The following CUX1 variants were observed in gnomAD, a reference collection of about 807,000 sequenced individuals.
CUX1 encodes the protein cut like homeobox 1, also known as protein CASP.
A neutral mutation model predicts 158.8 loss-of-function variants in CUX1; 31 were observed. The ratio of observed to expected loss-of-function variants is 0.20; its 90% CI spans 0.15 to 0.26. The LOEUF (loss-of-function observed/expected upper bound fraction) is 0.26, where lower values mean the gene tolerates loss of function less well. CUX1 is among the 10% of genes least tolerant of loss of function. The pLI is 1.00. For missense variants in CUX1, 1,589 were observed against 2,014.6 expected, an observed-to-expected ratio of 0.79 and a Z score of 4.04; for synonymous variants, 879 against 862.1, an observed-to-expected ratio of 1.02 and a Z score of -0.34.
intron 5 of CUX1, among the ~76,000 whole-genome samples, chr7:102,099,448 T>TA (rs1487575726): frequency 4.6e-5 from 7 of 150,788 alleles, no homozygotes; most frequent in Non-Finnish European, 1.0e-4. Context: ...TTTTCATAGA[T>TA]ACGCTACCCT....
At chr7:102,261,221 T>C (rs1440916668), downstream of CUX1, among the ~76,000 whole-genome samples, 1 of 152,178 alleles carries the variant, frequency 6.6e-6, no homozygotes, top group Non-Finnish European at 1.5e-5. Flanking sequence ...TGGTCGAGCA[T>C]GGTGGGTCAC....
chr7:102,176,562 T>A (rs1792369308), intron 10 of CUX1, among the ~76,000 whole-genome samples: 1 of 79,420 alleles, frequency 1.3e-5, no homozygotes, highest in South Asian at 4.8e-4. Context: ...GGATTCCTTT[T>A]TTTTTTTTTT....
At chr7:101,844,178 C>T (rs1191596643) in intron 1 of CUX1, among the ~76,000 whole-genome samples, 2 of 147,178 alleles carry the variant, frequency 1.4e-5, no homozygotes, top group Non-Finnish European at 3.0e-5. Flanking sequence ...CACCGTCCCC[C>T]TCCCCGCCCC....
At chr7:101,876,439 G>A (rs1201098391) in intron 1 of CUX1, among the ~76,000 whole-genome samples, 1 of 151,970 alleles carries the variant, frequency 6.6e-6, no homozygotes, top group Non-Finnish European at 1.5e-5. Flanking sequence ...GCTCATGCCT[G>A]TAATCCCAGC....
chr7:102,131,492 TA>T (rs782286192), intron 8 of CUX1, among the ~76,000 whole-genome samples: 13,706 of 132,848 alleles, frequency 0.1, 834 homozygotes, highest in African/African-American at 0.18. Flanking sequence ...AATTTCTGTT[TA>T]AAAAAAAAAA....
At chr7:102,232,980 C>T (rs1403906584) in intron 21 of CUX1, among the ~76,000 whole-genome samples, 5 of 152,140 alleles carry the variant, frequency 3.3e-5, no homozygotes, top group African/African-American at 9.7e-5. Flanking sequence ...GTTGCCTGCC[C>T]CGTTTTCTCA....
chr7:101,958,844 CTTTTTTTTTTT>C (rs10667965), intron 2 of CUX1, among the ~76,000 whole-genome samples: 1 of 65,816 alleles, frequency 1.5e-5, no homozygotes, highest in Non-Finnish European at 2.7e-5. Context: ...AGATGATGCC[CTTTTTTTTTTT>C]TTTTTTTTTT....
chr7:102,023,863 C>G (rs1247802779), intron 2 of CUX1, among the ~76,000 whole-genome samples: 1 of 152,000 alleles, frequency 6.6e-6, no homozygotes, highest in Non-Finnish European at 1.5e-5. Flanking sequence ...AGTGTGTGTA[C>G]AAACACACGT....
At chr7:102,274,054 C>T in intron 15 of CUX1, 1 of 585,856 alleles carries the variant, frequency 1.7e-6, no homozygotes, top group Non-Finnish European at 3.1e-6. Context: ...ACTCAGGGCC[C>T]AGCCATCTCT....
chr7:102,073,443 G>A (rs1205203493), intron 4 of CUX1, among the ~76,000 whole-genome samples: 3 of 151,946 alleles, frequency 2.0e-5, no homozygotes, highest in Non-Finnish European at 4.4e-5. Context: ...AAAGCGCTAG[G>A]ATTACAGGCG....
intron 8 of CUX1, among the ~76,000 whole-genome samples, chr7:102,156,994 G>C (rs1446198774): frequency 2.0e-5 from 3 of 152,202 alleles, no homozygotes; most frequent in Non-Finnish European, 4.4e-5. Flanking sequence ...GGGTGGATGG[G>C]GTGGAAGTAG....
Position 101,916,112 on chromosome 7 carries a change from C to T in CUX1, c.31-3C>T. 2 of 1,605,878 alleles carry T rather than the reference C, an allele frequency of 1.2e-6. No homozygotes were observed. Among genetic ancestry groups the T allele is most frequent in the South Asian group, 1.1e-5 (1 of 90,922 alleles). On this transcript the variant is annotated splice_region_variant and splice_polypyrimidine_tract_variant and intron_variant, in intron 1 of 23. Coordinates refer to ENST00000292535, the MANE Select transcript of CUX1 (RefSeq NM_181552.4). The surrounding 1 kb of genome is among the most constrained non-coding windows in gnomAD (Gnocchi z 4.4). ...CACTTTTCCTTTCCTGTTTCCCCAA[C>T]AGAGAGAACTCGATGCCACCGCAAC...
chr7:102,251,806 A>T lies in CUX1; in HGVS notation c.*2764A>T, dbSNP rs952510019. 2 of 985,312 alleles carry T rather than the reference A, an allele frequency of 2.0e-6. No homozygotes were observed. Among genetic ancestry groups the T allele is most frequent in the Admixed American group, 1.2e-4 (2 of 16,262 alleles). The allele number at this position is 985,312 out of a possible 1,614,324, so 61.0% of individuals were successfully genotyped here. On this transcript the variant is annotated 3_prime_UTR_variant, in exon 24 of 24. Transcript: ENST00000292535. ...AAGAATGAAAAGAAGTTAACAGGAA[A>T]TAGTAGGCTAGGGTTTAGTTTTAAA...
chr7:102,205,135 T>C lies in CUX1; in HGVS notation c.3095T>C (p.Leu1032Pro). The part of the protein sequence containing the change: ...QGPVLHSVTS[L>P]QDPLQQGCVS... Reference sequence around the variant, plus strand: ...TTAGTCCTCCACTCCGTGACATCGCTCCAGGACCCGCTGCAGCAGGGCTGT... The same window carrying C: ...TTAGTCCTCCACTCCGTGACATCGCCCCAGGACCCGCTGCAGCAGGGCTGT... Residue 1032 changes from leucine (L) to proline (P), a missense_variant, in exon 20 of 24, where the codon CTC becomes CCC. Leu to Pro is a moderately conservative substitution (Grantham distance 98, BLOSUM62 -3). Around this residue, in one of 8 missense-constraint regions of CUX1, gnomAD observed 259 missense variants for 373.8 expected, o/e 0.69. Transcript: ENST00000292535. 6.2e-7 allele frequency: 1 copy of C among 1,612,050 alleles called. No individual in the cohort carries two copies. Among genetic ancestry groups the C allele is most frequent in the Non-Finnish European group, 8.5e-7 (1 of 1,178,914 alleles).
intron 1 of CUX1, among the ~76,000 whole-genome samples, chr7:101,893,248 C>A (rs577696531): frequency 3.6e-5 from 5 of 139,550 alleles, no homozygotes; most frequent in Non-Finnish European, 7.7e-5. Flanking sequence ...GCTTAAGCAA[C>A]CCTCCTACCT....
intron 4 of CUX1, among the ~76,000 whole-genome samples, chr7:102,097,124 A>C (rs1349407098): frequency 6.6e-6 from 1 of 152,256 alleles, no homozygotes; most frequent in African/African-American, 2.4e-5. Context: ...ATACCAGTGA[A>C]TCTCATGGCT....
rs182978125 is a variant in CUX1, at chr7:102,101,606, C to T, written c.407-2730C>T. Among the ~76,000 whole-genome samples, 182 of 152,246 alleles carry T rather than the reference C, an allele frequency of 1.2e-3. 1 individual carries two copies. The highest frequency in any genetic ancestry group is 4.2e-3 in the African/African-American group (174 of 41,548). On this transcript the variant is annotated intron_variant, in intron 5 of 23. Coordinates refer to ENST00000292535, the MANE Select transcript of CUX1 (RefSeq NM_181552.4). Reference sequence around the variant, plus strand: ...CAAGTGCTGTACAGCCACTTCCAGCCGGTCCTTAAAGGCAAAAATGAGGCC... The same window carrying T: ...CAAGTGCTGTACAGCCACTTCCAGCTGGTCCTTAAAGGCAAAAATGAGGCC...
intron 2 of CUX1, among the ~76,000 whole-genome samples, chr7:101,940,964 G>A (rs576472315): frequency 5.7e-4 from 87 of 152,276 alleles, no homozygotes; most frequent in Middle Eastern, 3.4e-3. Flanking sequence ...CCCTTCCCTG[G>A]GCTCTGCATT....
chr7:101,974,413 G>A (rs1416638847), intron 2 of CUX1, among the ~76,000 whole-genome samples: 1 of 152,166 alleles, frequency 6.6e-6, no homozygotes, highest in African/African-American at 2.4e-5. Flanking sequence ...CTTATGAAAT[G>A]TGAAGTGCTG....
Sources: allele counts gnomAD v4.1 joint callset (sites outside exome capture counted in the v4.1 genomes callset), GRCh38; gene constraint gnomAD v4.1.1; regional missense constraint gnomAD v4.1.1; non-coding constraint Gnocchi (gnomAD v3.1); transcripts MANE v1.5; gene names NCBI Gene and HGNC (gene_info 2026-07-23, HGNC 2026-07-21).